The following TUSC3 variants were observed in gnomAD, a reference collection of about 807,000 sequenced individuals.
TUSC3 encodes the protein tumor suppressor candidate 3.
In TUSC3, 45 loss-of-function variants were observed where a neutral mutation model predicts 44.8. That is an observed-to-expected ratio of 1.00 (90% CI 0.79 to 1.29). The LOEUF is 1.29. Ranked by LOEUF, TUSC3 falls within the 50% of genes most tolerant of loss-of-function variation. TUSC3 has a pLI of 0.00. For missense variants in TUSC3, 519 were observed against 437.9 expected (o/e 1.19, Z -1.65); for synonymous variants, 212 against 152.9 (o/e 1.39, Z -2.85).
chr8:15,531,762 C>G (rs76347308), intron 2 of TUSC3, among the ~76,000 whole-genome samples: 160 of 152,322 alleles, frequency 1.1e-3, no homozygotes, highest in African/African-American at 3.7e-3. Flanking sequence ...TACCTTCTGC[C>G]TGTAACATTT....
chr8:15,827,999 T>C, the TUSC3 span, among the ~76,000 whole-genome samples: 1 of 151,002 alleles, frequency 6.6e-6, no homozygotes, highest in East Asian at 1.9e-4. Context: ...GGTATCTTTT[T>C]TTTTTTTTTT....
At chr8:15,424,003 T>TTTG (rs1799774785) in intron 1 of TUSC3, among the ~76,000 whole-genome samples, 1 of 105,528 alleles carries the variant, frequency 9.5e-6, no homozygotes, top group Admixed American at 9.5e-5. Flanking sequence ...TTTTTTTTTT[T>TTTG]TTTTGAGAAG....
rs1042206073 is a variant in TUSC3 at position 15,580,849 on chromosome 8, A to T, written c.138+40281A>T. Among the ~76,000 whole-genome samples, 2 of 143,926 alleles carry T rather than the reference A, an allele frequency of 1.4e-5. 1 individual carries two copies. The highest frequency in any genetic ancestry group is 1.4e-4 in the Admixed American group (2 of 14,322). The allele number at this position is 143,926 out of a possible 152,430, so 94.4% of individuals were successfully genotyped here. ...TTGTGGCATTCCCTGTATTTCCTTAATCTGAACGTTGGCCTGCCTTGCTAG... is the reference window on the plus strand; with the variant it reads ...TTGTGGCATTCCCTGTATTTCCTTATTCTGAACGTTGGCCTGCCTTGCTAG... On this transcript the variant is annotated intron_variant, in intron 1 of 10. Transcript: ENST00000503731.
At chr8:15,476,752 C>A (rs1460364946) in intron 1 of TUSC3, among the ~76,000 whole-genome samples, 3 of 152,228 alleles carry the variant, frequency 2.0e-5, no homozygotes, top group Non-Finnish European at 4.4e-5. Flanking sequence ...ACAGAATTTT[C>A]TGGGGTTTAA....
At chr8:15,568,380 G>A (rs571380396) in intron 1 of TUSC3, among the ~76,000 whole-genome samples, 43 of 152,218 alleles carry the variant, frequency 2.8e-4, no homozygotes, top group African/African-American at 9.9e-4. Flanking sequence ...GCTAGAGGGA[G>A]TACTGACAAT....
intron 6 of TUSC3, among the ~76,000 whole-genome samples, chr8:15,727,063 G>A (rs930651776): frequency 6.6e-6 from 1 of 152,044 alleles, no homozygotes; most frequent in East Asian, 1.9e-4. Context: ...TATCAGAGAG[G>A]AAAATAAATA....
At position 15,484,014 on chromosome 8, in the gene TUSC3, G is replaced by A. The variant is rs374258748; in HGVS notation, n.189+531G>A. 4.6e-5 allele frequency among the ~76,000 whole-genome samples: 7 copies of A among 152,182 alleles called. No homozygotes were observed. In the East Asian group the frequency reaches 9.7e-4, roughly 21 times the overall value. ...TATAAATGTTGAGGTAATTGACATT[G>A]CTATGTGTTCTCTTTTTCTCTCCCA... On this transcript the variant is annotated intron_variant and non_coding_transcript_variant, in intron 2 of 5. Transcript: ENST00000503191.
intron 1 of TUSC3, among the ~76,000 whole-genome samples, chr8:15,482,980 T>C (rs998584820): frequency 6.6e-6 from 1 of 151,216 alleles, no homozygotes; most frequent in African/African-American, 2.5e-5. Flanking sequence ...AATTAAGCTG[T>C]AGAAAAATAT....
the TUSC3 span, among the ~76,000 whole-genome samples, chr8:15,783,632 A>T: frequency 1.4e-4 from 21 of 152,196 alleles, no homozygotes; most frequent in African/African-American, 5.1e-4. Flanking sequence ...AGAAAGGACA[A>T]TCTTTTTAAT....
At chr8:15,755,512 G>A (rs1369955367) in intron 9 of TUSC3, among the ~76,000 whole-genome samples, 1 of 152,044 alleles carries the variant, frequency 6.6e-6, no homozygotes, top group African/African-American at 2.4e-5. Flanking sequence ...CTTTTGATGA[G>A]CTTAGTTGGG....
chr8:15,449,897 T>C (rs1170165111), intron 1 of TUSC3, among the ~76,000 whole-genome samples: 1 of 152,148 alleles, frequency 6.6e-6, no homozygotes, highest in Non-Finnish European at 1.5e-5. Flanking sequence ...TCTACCATTG[T>C]GTTACGATTG....
chr8:15,623,415 AG>A (rs1473217854), intron 2 of TUSC3, among the ~76,000 whole-genome samples, 166 bp downstream of exon 2: 1 of 152,194 alleles, frequency 6.6e-6, no homozygotes, highest in Non-Finnish European at 1.5e-5. Flanking sequence ...TTAGAAATAT[AG>A]GCTAATATTC....
chr8:15,502,948 T>C (rs978046629), intron 2 of TUSC3, among the ~76,000 whole-genome samples: 10 of 152,238 alleles, frequency 6.6e-5, no homozygotes, highest in African/African-American at 2.4e-4. Flanking sequence ...ATCAGTAATT[T>C]GGCTGAACTT....
intron 1 of TUSC3, among the ~76,000 whole-genome samples, chr8:15,425,032 C>G (rs1799786691): frequency 6.6e-6 from 1 of 152,158 alleles, no homozygotes; most frequent in Non-Finnish European, 1.5e-5. Flanking sequence ...GTGCTCAACT[C>G]TGCTTATGAA....
chr8:15,674,707 A>C (rs1293853854), intron 6 of TUSC3, among the ~76,000 whole-genome samples: 1 of 151,958 alleles, frequency 6.6e-6, no homozygotes, highest in Admixed American at 6.6e-5. Flanking sequence ...GTGGAAGACA[A>C]GGATATGGAG....
At chr8:15,443,191 C>T (rs907060736) in intron 1 of TUSC3, among the ~76,000 whole-genome samples, 24 of 151,414 alleles carry the variant, frequency 1.6e-4, no homozygotes, top group African/African-American at 5.3e-4. Flanking sequence ...TTTTAGAAGG[C>T]ATCTCACACT....
intron 7 of TUSC3, among the ~76,000 whole-genome samples, chr8:15,731,828 G>A (rs1308188418): frequency 1.3e-5 from 2 of 151,968 alleles, no homozygotes; most frequent in African/African-American, 2.4e-5. Flanking sequence ...AAAATCTACT[G>A]GCAAAGACTT....
chr8:15,580,272 A>G (rs1301831743), intron 1 of TUSC3, among the ~76,000 whole-genome samples: 52 of 7,678 alleles, frequency 6.8e-3, no homozygotes, highest in Middle Eastern at 0.016. Context: ...TCTTTATCCA[A>G]TTTGCCAGTC....
At position 15,548,808 on chromosome 8, in the gene TUSC3, A is replaced by G. The variant is rs759628677; in HGVS notation, c.138+8240A>G. ...AATTCTCCTTCTACCCTATGTTTTA[A>G]TAACTAGCTATACAACGCTATTTGT... On this transcript the variant is annotated intron_variant, in intron 1 of 10. Transcript: ENST00000503731. 2.4e-4 allele frequency among the ~76,000 whole-genome samples: 37 copies of G among 151,844 alleles called. 2 individuals carry two copies. The highest frequency in any genetic ancestry group is 7.2e-4 in the Admixed American group (11 of 15,232).
Sources: allele counts gnomAD v4.1 joint callset (sites outside exome capture counted in the v4.1 genomes callset), GRCh38; gene constraint gnomAD v4.1.1; transcripts MANE v1.5; gene names NCBI Gene and HGNC (gene_info 2026-07-23, HGNC 2026-07-21).